Variants in CYP7B1 observed in about 807,000 individuals in gnomAD.
The protein encoded by CYP7B1 is cytochrome P450 7B1.
In CYP7B1, 29 loss-of-function variants were observed where a neutral mutation model predicts 42.7. That is an observed-to-expected ratio of 0.68 (90% CI 0.51 to 0.93). The LOEUF (loss-of-function observed/expected upper bound fraction) is 0.93, where lower values mean the gene tolerates loss of function less well. CYP7B1 is among the 40% of genes least tolerant of loss of function. The pLI is 0.00. For synonymous variants in CYP7B1, 235 were observed against 218.2 expected (o/e 1.08, Z -0.68); for missense variants, 655 against 600.5 (o/e 1.09, Z -0.95).
intron 1 of CYP7B1, among the ~76,000 whole-genome samples, chr8:64,686,095 G>A (rs1367594287): frequency 8.2e-6 from 1 of 122,476 alleles, no homozygotes. Flanking sequence ...CCGTCCGGGA[G>A]GGAGGTGGGG....
In CYP7B1 at chr8:64,731,236, C is replaced by G. The variant is rs886317509; in HGVS notation, c.122+67230G>C. Reference sequence around the variant, plus strand: ...AGCAACTTTGGAACTGGGTAACAGGCAGAAGCTGGAACAATTTGGACGGTT... The same window carrying G: ...AGCAACTTTGGAACTGGGTAACAGGGAGAAGCTGGAACAATTTGGACGGTT... On this transcript the variant is annotated intron_variant, in intron 1 of 5. Coordinates refer to ENST00000310193, the MANE Select transcript of CYP7B1 (RefSeq NM_004820.5). 2.6e-5 allele frequency among the ~76,000 whole-genome samples: 4 copies of G among 152,224 alleles called. No homozygotes were observed. In the South Asian group the frequency reaches 8.3e-4, roughly 32 times the overall value.
At chr8:64,711,688 G>C (rs1807084098) in intron 1 of CYP7B1, among the ~76,000 whole-genome samples, 1 of 152,096 alleles carries the variant, frequency 6.6e-6, no homozygotes, top group Non-Finnish European at 1.5e-5. Context: ...ACCCTTGTGG[G>C]GGTTATTTTA....
chr8:64,706,826 A>G (rs964177159), intron 1 of CYP7B1, among the ~76,000 whole-genome samples: 1 of 152,030 alleles, frequency 6.6e-6, no homozygotes, highest in African/African-American at 2.4e-5. Context: ...AATAATAGTG[A>G]CATTTTATTG....
intron 1 of CYP7B1, among the ~76,000 whole-genome samples, chr8:64,693,983 G>A (rs1411100152): frequency 6.6e-6 from 1 of 152,160 alleles, no homozygotes; most frequent in Non-Finnish European, 1.5e-5. Flanking sequence ...AGACCAGTGT[G>A]TTTAGCTAAT....
At chr8:64,650,189 C>T (rs1296846041) in intron 1 of CYP7B1, among the ~76,000 whole-genome samples, 2 of 151,988 alleles carry the variant, frequency 1.3e-5, no homozygotes, top group East Asian at 3.9e-4. Context: ...AGTAATACTC[C>T]CAGAAAAATA....
chr8:64,596,697 A>G lies in CYP7B1; in HGVS notation c.1466T>C (p.Phe489Ser). The change falls in exon 6 of 6, where the codon TTT (phenylalanine) becomes TCT (serine). Residue 489 changes from phenylalanine to serine, a missense_variant. Phe to Ser is a radical substitution (Grantham distance 155, BLOSUM62 -2). Coordinates refer to ENST00000310193, the MANE Select transcript of CYP7B1 (RefSeq NM_004820.5). ...ATCAGAATCTGGATACTGAATACCA[A>G]ACAACAAGCGGCTGTAGTTTAGTCC... ...PIGLNYSRLLFGIQYPDSDVL... is the reference protein window; with the variant it reads ...PIGLNYSRLLSGIQYPDSDVL... 6.2e-7 allele frequency: 1 copy of G among 1,613,588 alleles called. No homozygotes were observed. Among genetic ancestry groups the G allele is most frequent in the African/African-American group, 1.3e-5 (1 of 74,990 alleles).
chr8:64,604,324 C>T (rs1006939503), intron 5 of CYP7B1, among the ~76,000 whole-genome samples: 8 of 152,180 alleles, frequency 5.3e-5, no homozygotes, highest in Admixed American at 3.9e-4. Flanking sequence ...ATCATTTATT[C>T]TCTAAGCCAC....
intron 1 of CYP7B1, among the ~76,000 whole-genome samples, chr8:64,625,333 T>G (rs1056499397): frequency 4.5e-4 from 68 of 152,350 alleles, no homozygotes; most frequent in African/African-American, 1.5e-3. Context: ...AATTGTGTCT[T>G]GCAAGGCCTG....
intron 1 of CYP7B1, among the ~76,000 whole-genome samples, chr8:64,700,952 C>T (rs561060469): frequency 6.6e-6 from 1 of 151,976 alleles, no homozygotes; most frequent in Non-Finnish European, 1.5e-5. Flanking sequence ...TTGTTGCAAT[C>T]ACTAAAAGGT....
chr8:64,766,497 G>T (rs778327514), intron 1 of CYP7B1, among the ~76,000 whole-genome samples: 1 of 151,622 alleles, frequency 6.6e-6, no homozygotes, highest in Non-Finnish European at 1.5e-5. Context: ...AGGAGCAGGC[G>T]GAACGGGACA....
intron 1 of CYP7B1, among the ~76,000 whole-genome samples, chr8:64,683,644 T>G (rs1476254669): frequency 1.3e-5 from 2 of 152,308 alleles, no homozygotes; most frequent in South Asian, 4.1e-4. Flanking sequence ...CTTGAGGAGA[T>G]GGATACCCCA....
intron 1 of CYP7B1, among the ~76,000 whole-genome samples, chr8:64,638,727 A>G (rs991760244): frequency 1.3e-5 from 2 of 152,130 alleles, no homozygotes; most frequent in Non-Finnish European, 2.9e-5. Context: ...AACTACTCCA[A>G]CACTCGCGTA....
In CYP7B1 at chr8:64,615,672, C is replaced by A; in HGVS notation, c.850+19G>T. 1.2e-6 allele frequency: 2 copies of A among 1,604,982 alleles called. No individual in the cohort carries two copies. The highest frequency in any genetic ancestry group is 1.7e-6 in the Non-Finnish European group (2 of 1,171,984). On this transcript the variant is annotated intron_variant, in intron 3 of 5. Coordinates refer to ENST00000310193, the MANE Select transcript of CYP7B1 (RefSeq NM_004820.5). ...TAAATGATTTTATTTTAGGCAAGTG[C>A]TCATTCAGAAGTTCTTACCTCCTAT...
At chr8:64,734,646 TC>T (rs1807460672) in intron 1 of CYP7B1, among the ~76,000 whole-genome samples, 1 of 152,206 alleles carries the variant, frequency 6.6e-6, no homozygotes, top group African/African-American at 2.4e-5. Flanking sequence ...CCATAGCAGA[TC>T]CCCAGTGCCT....
intron 1 of CYP7B1, among the ~76,000 whole-genome samples, chr8:64,730,538 T>C (rs1025967695): frequency 2.0e-5 from 3 of 152,122 alleles, no homozygotes; most frequent in East Asian, 1.9e-4. Flanking sequence ...AAACATGACA[T>C]GATTGGTCAT....
At chr8:64,597,775 T>C (rs751192234) in intron 5 of CYP7B1, among the ~76,000 whole-genome samples, 1 of 152,182 alleles carries the variant, frequency 6.6e-6, no homozygotes, top group African/African-American at 2.4e-5. Context: ...TTTTAGCCTA[T>C]GGTGAATTAA....
chr8:64,725,529 T>G (rs2129632959), intron 1 of CYP7B1, among the ~76,000 whole-genome samples: 1 of 152,324 alleles, frequency 6.6e-6, no homozygotes, highest in South Asian at 2.1e-4. Context: ...TCTCCCTGAC[T>G]CTTGCCCTAG....
intron 1 of CYP7B1, among the ~76,000 whole-genome samples, chr8:64,700,223 C>T (rs1806893925): frequency 6.6e-6 from 1 of 152,224 alleles, no homozygotes; most frequent in African/African-American, 2.4e-5. Flanking sequence ...GGCCCTAACA[C>T]AGCAACACTG....
At chr8:64,680,105 T>G (rs1046467542) in intron 1 of CYP7B1, among the ~76,000 whole-genome samples, 1 of 152,058 alleles carries the variant, frequency 6.6e-6, no homozygotes, top group Admixed American at 6.6e-5. Flanking sequence ...ATACTCTGCT[T>G]GTATGAGTCT....
Sources: allele counts gnomAD v4.1 joint callset (sites outside exome capture counted in the v4.1 genomes callset), GRCh38; gene constraint gnomAD v4.1.1; transcripts MANE v1.5; gene names NCBI Gene and HGNC (gene_info 2026-07-23, HGNC 2026-07-21).